EFNA5: variants seen among roughly 807,000 people sequenced by gnomAD.
The protein encoded by EFNA5 is ephrin-A5.
A neutral mutation model predicts 22.9 loss-of-function variants in EFNA5; 5 were observed. The ratio of observed to expected loss-of-function variants is 0.22; its 90% confidence interval spans 0.11 to 0.46. The LOEUF (loss-of-function observed/expected upper bound fraction) is 0.46. Among genes scored for constraint, EFNA5 ranks in the 20% least tolerant of loss-of-function variants. The pLI is 0.99. For synonymous variants in EFNA5, 113 were observed against 112.2 expected (o/e 1.01, Z -0.04); for missense variants, 237 against 293.3 (o/e 0.81, Z 1.40).
At chr5:107,639,242 A>G (rs984198456) in intron 1 of EFNA5, among the ~76,000 whole-genome samples, 1 of 152,252 alleles carries the variant, frequency 6.6e-6, no homozygotes, top group Non-Finnish European at 1.5e-5. Context: ...GGAAAAAGTC[A>G]GAGGAGCAGC....
chr5:107,383,016 C>A (rs1049425096), intron 4 of EFNA5, among the ~76,000 whole-genome samples: 8 of 152,154 alleles, frequency 5.3e-5, no homozygotes, highest in Admixed American at 2.6e-4. Flanking sequence ...TAATATTTGT[C>A]CTAAAGTAAC....
At chr5:107,650,794 C>T (rs1750713392) in intron 1 of EFNA5, among the ~76,000 whole-genome samples, 1 of 152,120 alleles carries the variant, frequency 6.6e-6, no homozygotes, top group Admixed American at 6.5e-5. Context: ...CTTCAGGAAC[C>T]AAGCTTACCT....
In EFNA5 at chr5:107,566,388, T is replaced by C. The variant is rs181701505; in HGVS notation, c.125+104101A>G. ...AGGGAATGAACTAGCTTGGACTCTA[T>C]CGACGAGTCATTTTTGCCAGGAAAG... is the stretch of plus-strand genomic sequence containing the variant. On this transcript the variant is annotated intron_variant, in intron 1 of 4. Transcript: ENST00000333274. Among the ~76,000 whole-genome samples, 67 of 152,286 alleles carry C rather than the reference T, an allele frequency of 4.4e-4. No homozygotes were observed. In the East Asian group the frequency reaches 0.012, roughly 28 times the overall value.
intron 1 of EFNA5, among the ~76,000 whole-genome samples, chr5:107,497,824 T>C (rs1250067629): frequency 6.6e-6 from 1 of 152,270 alleles, no homozygotes; most frequent in Non-Finnish European, 1.5e-5. Context: ...ATGTTTTTTA[T>C]TTGCTATTTA....
At chr5:107,542,464 T>C (rs1036259652) in intron 1 of EFNA5, among the ~76,000 whole-genome samples, 1 of 152,034 alleles carries the variant, frequency 6.6e-6, no homozygotes, top group Admixed American at 6.5e-5. Flanking sequence ...ACCTCTGATT[T>C]CTAAGTTCCA....
intron 1 of EFNA5, among the ~76,000 whole-genome samples, chr5:107,430,212 C>T (rs751569118): frequency 1.3e-5 from 2 of 152,110 alleles, no homozygotes; most frequent in African/African-American, 2.4e-5. Flanking sequence ...AACATCACTG[C>T]CAAAGTACAG....
chr5:107,467,660 A>G (rs1750026798), intron 1 of EFNA5, among the ~76,000 whole-genome samples: 1 of 152,336 alleles, frequency 6.6e-6, no homozygotes, highest in East Asian at 1.9e-4. Flanking sequence ...CCTGTTCATC[A>G]GGCAGCTTTA....
intron 1 of EFNA5, among the ~76,000 whole-genome samples, chr5:107,470,468 A>G (rs976253468): frequency 6.6e-6 from 1 of 152,240 alleles, no homozygotes; most frequent in African/African-American, 2.4e-5. Context: ...AGAGAATGGT[A>G]TAATAGCAGT....
At chr5:107,623,087 G>T (rs193253963) in intron 1 of EFNA5, among the ~76,000 whole-genome samples, 35 of 111,352 alleles carry the variant, frequency 3.1e-4, no homozygotes, top group African/African-American at 1.2e-3. Flanking sequence ...TTCAAGCCCA[G>T]AACTGACTAA....
intron 1 of EFNA5, among the ~76,000 whole-genome samples, chr5:107,637,512 G>A (rs1187720499): frequency 6.6e-6 from 1 of 150,780 alleles, no homozygotes; most frequent in African/African-American, 2.4e-5. Flanking sequence ...GTGTGTGTGT[G>A]TGTGTCTGTG....
At chr5:107,549,216 C>T (rs79885482) in intron 1 of EFNA5, among the ~76,000 whole-genome samples, 2,650 of 152,196 alleles carry the variant, frequency 0.017, 167 homozygotes, top group East Asian at 0.12. Context: ...TTCCAGAATG[C>T]TTTATTTTTC....
chr5:107,412,701 G>A (rs1046237288), intron 2 of EFNA5, among the ~76,000 whole-genome samples: 8 of 152,152 alleles, frequency 5.3e-5, no homozygotes, highest in African/African-American at 1.9e-4. Context: ...AGATTTGGAT[G>A]TCACCCCCAA....
At chr5:107,662,202 AC>A (rs1242377534) in intron 1 of EFNA5, among the ~76,000 whole-genome samples, 4 of 152,196 alleles carry the variant, frequency 2.6e-5, no homozygotes, top group Non-Finnish European at 4.4e-5. Flanking sequence ...GTCAACTCGT[AC>A]CTGAACTTTA....
chr5:107,622,631 C>T (rs1413681844), intron 1 of EFNA5, among the ~76,000 whole-genome samples: 1 of 152,124 alleles, frequency 6.6e-6, no homozygotes, highest in East Asian at 1.9e-4. Flanking sequence ...TAAGTCAAGC[C>T]TTGTAACAAC....
chr5:107,391,730 C>A (rs1747800064), intron 2 of EFNA5, among the ~76,000 whole-genome samples: 1 of 152,280 alleles, frequency 6.6e-6, no homozygotes, highest in African/African-American at 2.4e-5. Context: ...ATGTCCCATT[C>A]CATTATCTTA....
At chr5:107,419,856 A>C (rs999503828) in intron 2 of EFNA5, among the ~76,000 whole-genome samples, 2 of 152,208 alleles carry the variant, frequency 1.3e-5, no homozygotes, top group African/African-American at 2.4e-5. Context: ...TTCAATAACA[A>C]AAGTAAAATG....
chr5:107,595,476 AC>A (rs1749453826), intron 1 of EFNA5, among the ~76,000 whole-genome samples: 2 of 101,236 alleles, frequency 2.0e-5, no homozygotes, highest in African/African-American at 5.1e-5. Flanking sequence ...GTTATATATC[AC>A]CACATTTTTT....
chr5:107,437,457 G>A (rs764441954), intron 1 of EFNA5, among the ~76,000 whole-genome samples: 34 of 152,194 alleles, frequency 2.2e-4, no homozygotes, highest in African/African-American at 7.2e-5. Flanking sequence ...CATTAGAAAC[G>A]AGGTGGTGAT....
At chr5:107,418,798 C>G (rs1039700772) in intron 2 of EFNA5, among the ~76,000 whole-genome samples, 13 of 152,024 alleles carry the variant, frequency 8.6e-5, no homozygotes, top group African/African-American at 3.1e-4. Context: ...CAAGATGGTC[C>G]CAATGTAAAA....
Sources: gnomAD v4.1 joint callset for allele counts (sites outside exome capture counted in the v4.1 genomes callset) on GRCh38, gnomAD v4.1.1 for gene constraint, MANE v1.5 for transcripts, NCBI Gene and HGNC (gene_info 2026-07-23, HGNC 2026-07-21) for gene names.